The following CLNK variants were observed in gnomAD, a reference collection of about 807,000 sequenced individuals.
CLNK encodes cytokine-dependent hematopoietic cell linker.
A neutral mutation model predicts 68.6 loss-of-function variants in CLNK; 74 were observed. The ratio of observed to expected loss-of-function variants is 1.08; its 90% CI spans 0.89 to 1.31. The LOEUF (loss-of-function observed/expected upper bound fraction) is 1.31. Ranked by LOEUF, CLNK falls within the 50% of genes most tolerant of loss-of-function variation. CLNK has a pLI of 0.00. For synonymous variants in CLNK, 198 were observed against 172.2 expected, an observed-to-expected ratio of 1.15 and a Z score of -1.17; for missense variants, 553 against 515.3, an observed-to-expected ratio of 1.07 and a Z score of -0.71.
chr4:10,734,676 T>C, the CLNK span, among the ~76,000 whole-genome samples: 12 of 152,342 alleles, frequency 7.9e-5, no homozygotes, highest in African/African-American at 2.6e-4. Flanking sequence ...CATCAGTGCT[T>C]CTTCAGAAAG....
chr4:10,644,547 T>A (rs1723436604), intron 2 of CLNK, among the ~76,000 whole-genome samples: 1 of 152,156 alleles, frequency 6.6e-6, no homozygotes, highest in Non-Finnish European at 1.5e-5. Context: ...TGGTCTACAC[T>A]GTGCAACCCA....
chr4:10,595,235 T>A (rs1274472483), intron 3 of CLNK, among the ~76,000 whole-genome samples: 1 of 152,182 alleles, frequency 6.6e-6, no homozygotes, highest in Non-Finnish European at 1.5e-5. Context: ...TTTTTCCCTA[T>A]CTGTAAATGG....
At chr4:10,572,093 T>C (rs953590676) in intron 4 of CLNK, among the ~76,000 whole-genome samples, 1 of 152,188 alleles carries the variant, frequency 6.6e-6, no homozygotes, top group Non-Finnish European at 1.5e-5. Context: ...AGAAGATCTC[T>C]CACAGCAATT....
intron 2 of CLNK, among the ~76,000 whole-genome samples, chr4:10,605,765 T>C (rs1577162122): frequency 7.4e-6 from 1 of 134,390 alleles, no homozygotes; most frequent in Non-Finnish European, 1.5e-5. Context: ...GAGGCAGAGG[T>C]TGCAGTGAGC....
intron 2 of CLNK, among the ~76,000 whole-genome samples, chr4:10,624,746 G>T (rs1722601464): frequency 6.6e-6 from 1 of 151,976 alleles, no homozygotes; most frequent in Non-Finnish European, 1.5e-5. Flanking sequence ...CATAGTATTT[G>T]GTTATGAAAC....
intron 2 of CLNK, among the ~76,000 whole-genome samples, chr4:10,612,973 G>T (rs903445091): frequency 6.6e-6 from 1 of 152,188 alleles, no homozygotes; most frequent in Non-Finnish European, 1.5e-5. Flanking sequence ...ATTTAGGCTA[G>T]AAATTTTTAC....
chr4:10,706,320 G>A, the CLNK span, among the ~76,000 whole-genome samples: 11 of 152,092 alleles, frequency 7.2e-5, no homozygotes, highest in African/African-American at 2.7e-4. Context: ...ATAAATTTAG[G>A]GCTAAAGGGA....
At chr4:10,582,661 G>C (rs1333382305) in intron 4 of CLNK, among the ~76,000 whole-genome samples, 1 of 152,072 alleles carries the variant, frequency 6.6e-6, no homozygotes, top group African/African-American at 2.4e-5. Context: ...ACATGTGTCT[G>C]TCTTCTCCAG....
In CLNK at chr4:10,486,604, C is replaced by T. The variant is rs184295810; in HGVS notation, c.*3863G>A. The T allele has an allele frequency of 3.9e-5, 6 of 152,180 alleles. No individual in the cohort carries two copies. The highest frequency in any genetic ancestry group is 3.9e-4 in the Admixed American group (6 of 15,254). The allele number at this position is 152,180 out of a possible 1,614,324, so 9.4% of individuals were successfully genotyped here. ...CGACAATGGGGTTCATTTGATTCCT[C>T]CGTAGTAATTAGAACAGGAGACTTA... On this transcript the variant is annotated 3_prime_UTR_variant, in exon 19 of 19. Transcript: ENST00000226951.
At chr4:10,540,689 C>G in intron 10 of CLNK, 85 bp from the exon 11 acceptor site, 1 of 898,678 alleles carries the variant, frequency 1.1e-6, no homozygotes, top group South Asian at 1.4e-5. Context: ...GCTCTGCCCT[C>G]CGTGTCCCCA....
chr4:10,609,968 G>C (rs1227821995), intron 2 of CLNK, among the ~76,000 whole-genome samples: 2 of 151,092 alleles, frequency 1.3e-5, no homozygotes, highest in African/African-American at 2.4e-5. Flanking sequence ...CTTCTATTTG[G>C]CCTTGACTTC....
chr4:10,676,741 T>A (rs1724890634), intron 1 of CLNK, among the ~76,000 whole-genome samples: 1 of 152,094 alleles, frequency 6.6e-6, no homozygotes, highest in South Asian at 2.1e-4. Context: ...GTGAATAGAC[T>A]TTTTATCCTT....
intron 6 of CLNK, 36 bp from the exon 7 acceptor site, chr4:10,564,813 C>G (rs575527736): frequency 5.7e-6 from 7 of 1,238,242 alleles, no homozygotes; most frequent in Non-Finnish European, 8.3e-6. Flanking sequence ...TCATACCTTA[C>G]GTGGACTCAG....
intron 4 of CLNK, among the ~76,000 whole-genome samples, chr4:10,578,625 C>T (rs1302188403): frequency 2.0e-5 from 2 of 102,508 alleles, no homozygotes; most frequent in East Asian, 6.1e-4. Context: ...TTTGCTCTGT[C>T]ACCCAGGCTG....
At chr4:10,688,139 C>T (rs190439108), upstream of CLNK, among the ~76,000 whole-genome samples, 4 of 152,198 alleles carry the variant, frequency 2.6e-5, no homozygotes, top group Non-Finnish European at 4.4e-5. Flanking sequence ...AGCATTAGCC[C>T]GCTTGGCTTT....
At chr4:10,608,351 C>T (rs1213422647) in intron 2 of CLNK, among the ~76,000 whole-genome samples, 3 of 152,166 alleles carry the variant, frequency 2.0e-5, no homozygotes, top group African/African-American at 7.2e-5. Context: ...TCCCTCTCTT[C>T]TCCTCCTCTT....
chr4:10,563,138 A>AT (rs1162629431), intron 7 of CLNK, among the ~76,000 whole-genome samples: 2 of 152,298 alleles, frequency 1.3e-5, no homozygotes, highest in African/African-American at 2.4e-5. Context: ...TTGTAGTTTC[A>AT]TTTTTCTGTC....
intron 2 of CLNK, among the ~76,000 whole-genome samples, chr4:10,632,873 AATAAGCAGAT>A (rs2108869931): frequency 6.6e-6 from 1 of 152,360 alleles, no homozygotes; most frequent in South Asian, 2.1e-4. Flanking sequence ...AATTGGCCCA[AATAAGCAGAT>A]GAGGCTGCTA....
At chr4:10,636,906 C>T (rs962831488) in intron 2 of CLNK, among the ~76,000 whole-genome samples, 1 of 152,066 alleles carries the variant, frequency 6.6e-6, no homozygotes, top group Non-Finnish European at 1.5e-5. Flanking sequence ...ACAATATATC[C>T]CTCTACTGTA....
Sources: allele counts gnomAD v4.1 joint callset (sites outside exome capture counted in the v4.1 genomes callset), GRCh38; gene constraint gnomAD v4.1.1; transcripts MANE v1.5; gene names NCBI Gene and HGNC (gene_info 2026-07-23, HGNC 2026-07-21).